Variants in TRAF3 observed in about 807,000 individuals in gnomAD.
The protein encoded by TRAF3 is TNF receptor associated factor 3.
TRAF3 carries 13 observed loss-of-function variants against 62.3 expected under a neutral mutation model. The ratio of observed to expected loss-of-function variants is 0.21; its 90% CI spans 0.14 to 0.33. The LOEUF (loss-of-function observed/expected upper bound fraction) is 0.33, where lower values mean the gene tolerates loss of function less well. Among genes scored for constraint, TRAF3 ranks in the 10% least tolerant of loss-of-function variants. The pLI is 1.00. For missense variants in TRAF3, 440 were observed against 741.8 expected (o/e 0.59, Z 4.73); for synonymous variants, 269 against 283.4 (o/e 0.95, Z 0.51).
At chr14:102,859,015 T>TA (rs1322858439) in intron 2 of TRAF3, among the ~76,000 whole-genome samples, 1 of 152,224 alleles carries the variant, frequency 6.6e-6, no homozygotes, top group Non-Finnish European at 1.5e-5. Flanking sequence ...AAAACCTTGT[T>TA]ACGCTTTTAT....
chr14:102,816,450 TGTG>T (rs990378044), intron 1 of TRAF3, among the ~76,000 whole-genome samples: 2 of 152,118 alleles, frequency 1.3e-5, no homozygotes, highest in Non-Finnish European at 2.9e-5. Flanking sequence ...GAAGATTAAG[TGTG>T]GTTTAAAAAA....
Position 102,909,950 on chromosome 14 carries a change from A to G in TRAF3, c.*4166A>G, listed in dbSNP as rs1159430640. The G allele has an allele frequency of 6.6e-6, 1 of 152,268 alleles. No homozygotes were observed. The highest frequency in any genetic ancestry group is 1.5e-5 in the Non-Finnish European group (1 of 68,058). The allele number at this position is 152,268 out of a possible 1,614,324, so 9.4% of individuals were successfully genotyped here. A position where few individuals can be genotyped will look rare whatever the true frequency, so the allele number is the denominator to read the frequency against. ...AGTCTGGATGGGTCCTTAAACGACC[A>G]TTCTGTCCGCAGCGGGGTCATTCCT... On this transcript the variant is annotated 3_prime_UTR_variant, in exon 12 of 12. Transcript: ENST00000392745.
intron 1 of TRAF3, among the ~76,000 whole-genome samples, chr14:102,793,346 G>T (rs1021645279): frequency 6.6e-6 from 1 of 151,896 alleles, no homozygotes; most frequent in South Asian, 2.1e-4. Context: ...TACAGATGAG[G>T]TCTCACTGTG....
chr14:102,851,115 T>A (rs1887013063), intron 2 of TRAF3, among the ~76,000 whole-genome samples: 1 of 152,188 alleles, frequency 6.6e-6, no homozygotes, highest in Non-Finnish European at 1.5e-5. Flanking sequence ...TCAAATACCA[T>A]CTTTAATGCA....
intron 1 of TRAF3, among the ~76,000 whole-genome samples, chr14:102,789,311 T>G (rs1455764017): frequency 1.3e-5 from 2 of 152,258 alleles, no homozygotes; most frequent in African/African-American, 4.8e-5. Context: ...AGAATAATGC[T>G]GCTATAAACA....
At chr14:102,891,926 G>A (rs1889740182) in intron 9 of TRAF3, among the ~76,000 whole-genome samples, 1 of 151,854 alleles carries the variant, frequency 6.6e-6, no homozygotes. Context: ...TTTTACAAGA[G>A]ACAAACAGGA....
intron 1 of TRAF3, among the ~76,000 whole-genome samples, chr14:102,795,004 C>T (rs1459736779): frequency 1.3e-5 from 2 of 152,004 alleles, no homozygotes; most frequent in East Asian, 3.8e-4. Context: ...TTTAATATTT[C>T]TCTCTGTTCT....
At chr14:102,904,754 G>A (rs1425478027) in intron 11 of TRAF3, among the ~76,000 whole-genome samples, 1 of 148,874 alleles carries the variant, frequency 6.7e-6, no homozygotes, top group African/African-American at 2.5e-5. Flanking sequence ...AGCTTGCAGT[G>A]AGCCGAGATT....
intron 1 of TRAF3, among the ~76,000 whole-genome samples, chr14:102,807,184 C>T (rs1180559304): frequency 6.6e-6 from 1 of 152,202 alleles, no homozygotes; most frequent in Admixed American, 6.5e-5. Flanking sequence ...CCTGAAAACC[C>T]TTTACGGCCT....
At chr14:102,797,219 A>T (rs935611740) in intron 1 of TRAF3, among the ~76,000 whole-genome samples, 1 of 152,204 alleles carries the variant, frequency 6.6e-6, no homozygotes, top group Non-Finnish European at 1.5e-5. Flanking sequence ...TATTGTCTTA[A>T]GCTTCTTAGG....
At chr14:102,838,537 C>CT (rs750058227) in intron 2 of TRAF3, among the ~76,000 whole-genome samples, 191 of 152,330 alleles carry the variant, frequency 1.3e-3, no homozygotes, top group Non-Finnish European at 1.5e-3. Flanking sequence ...GATCCCTGCT[C>CT]TAAAGGAGCT....
At chr14:102,852,963 G>T (rs529818712) in intron 2 of TRAF3, among the ~76,000 whole-genome samples, 3 of 151,908 alleles carry the variant, frequency 2.0e-5, no homozygotes, top group African/African-American at 4.8e-5. Flanking sequence ...GCACAATCTC[G>T]GCTTACTGCA....
intron 2 of TRAF3, among the ~76,000 whole-genome samples, chr14:102,864,195 C>G (rs908829426): frequency 1.4e-5 from 2 of 145,442 alleles, no homozygotes; most frequent in African/African-American, 5.1e-5. Context: ...CTCACCCGGG[C>G]TGGAGTGCAG....
chr14:102,845,344 A>T (rs567246433), intron 2 of TRAF3, among the ~76,000 whole-genome samples: 1 of 151,298 alleles, frequency 6.6e-6, no homozygotes, highest in East Asian at 1.9e-4. Flanking sequence ...TTGGGATTAC[A>T]GGCGCACGCC....
chr14:102,832,682 AATAT>A lies in TRAF3; in HGVS notation c.-18+2217_-18+2220del, dbSNP rs1209747090. On this transcript the variant is annotated intron_variant, in intron 2 of 11. Coordinates refer to ENST00000392745, the MANE Select transcript of TRAF3 (RefSeq NM_145725.3). ...GTGAAACTCTGTCCTCCCACCAAAA[AATAT>A]ATATATTTATCAAGCACTACCTACA... Among the ~76,000 whole-genome samples, 9 of 152,164 alleles carry A rather than the reference AATAT, an allele frequency of 5.9e-5. No homozygotes were observed. The South Asian group carries it at 1.5e-3, about 25-fold the overall frequency.
intron 2 of TRAF3, among the ~76,000 whole-genome samples, chr14:102,869,390 A>G (rs1888196040): frequency 6.6e-6 from 1 of 152,212 alleles, no homozygotes; most frequent in South Asian, 2.1e-4. Context: ...GAGGAAGGAA[A>G]ACTGGCTGAG....
At chr14:102,784,027 A>T (rs1897372457) in intron 1 of TRAF3, among the ~76,000 whole-genome samples, 2 of 152,152 alleles carry the variant, frequency 1.3e-5, no homozygotes, top group South Asian at 4.1e-4. Context: ...AGATCTTGTT[A>T]GTTAGGGACC....
At chr14:102,832,964 C>T (rs1885738751) in intron 2 of TRAF3, among the ~76,000 whole-genome samples, 2 of 152,284 alleles carry the variant, frequency 1.3e-5, no homozygotes, top group South Asian at 4.1e-4. Context: ...TACGTAATTT[C>T]TACTTATCTT....
At chr14:102,859,467 C>T (rs986267019) in intron 2 of TRAF3, among the ~76,000 whole-genome samples, 3 of 152,218 alleles carry the variant, frequency 2.0e-5, no homozygotes, top group African/African-American at 7.2e-5. Context: ...CCACATGTCC[C>T]TAGGCCTTAC....
Sources: allele counts gnomAD v4.1 joint callset (sites outside exome capture counted in the v4.1 genomes callset), GRCh38; gene constraint gnomAD v4.1.1; transcripts MANE v1.5; gene names NCBI Gene and HGNC (gene_info 2026-07-23, HGNC 2026-07-21).